Variants in KIAA0586 observed in about 807,000 individuals in gnomAD.
The protein encoded by KIAA0586 is KIAA0586.
KIAA0586 carries 144 observed loss-of-function variants against 169.8 expected under a neutral mutation model. That is an observed-to-expected ratio of 0.85 (90% CI 0.74 to 0.97). The LOEUF is 0.97. Ranked by LOEUF, KIAA0586 falls within the 50% of genes least tolerant of loss-of-function variation. The pLI is 0.00. For missense variants in KIAA0586, 1,854 were observed against 1,823.0 expected, an observed-to-expected ratio of 1.02 and a Z score of -0.31; for synonymous variants, 625 against 612.4, an observed-to-expected ratio of 1.02 and a Z score of -0.30.
intron 18 of KIAA0586, among the ~76,000 whole-genome samples, chr14:58,473,844 T>C (rs2041407895): frequency 6.6e-6 from 1 of 151,922 alleles, no homozygotes; most frequent in Non-Finnish European, 1.5e-5. Context: ...AGGTGGAGGT[T>C]GCAGTGAGCT....
chr14:58,506,230 A>G (rs188864258), intron 27 of KIAA0586, among the ~76,000 whole-genome samples: 11 of 151,728 alleles, frequency 7.2e-5, no homozygotes, highest in African/African-American at 2.4e-4. Context: ...ATCAGAATAT[A>G]AAGAGACAAA....
chr14:58,472,168 C>A (rs767195987), intron 17 of KIAA0586, 31 bp from the exon 18 acceptor site: 3 of 1,262,678 alleles, frequency 2.4e-6, no homozygotes, highest in South Asian at 1.4e-5. Context: ...GTGTTAAGCA[C>A]AACAAAAACT....
At position 58,430,628 on chromosome 14, in the gene KIAA0586, C is replaced by T; in HGVS notation, c.271-20C>T. The T allele has an allele frequency of 4.0e-6, 6 of 1,508,278 alleles. No homozygotes were observed. Among genetic ancestry groups the T allele is most frequent in the Non-Finnish European group, 4.6e-6 (5 of 1,095,370 alleles). The allele number at this position is 1,508,278 out of a possible 1,614,324, so 93.4% of individuals were successfully genotyped here. On this transcript the variant is annotated intron_variant, in intron 2 of 30. Coordinates refer to ENST00000652326, the MANE Select transcript of KIAA0586 (RefSeq NM_001329943.3). Reference sequence around the variant, plus strand: ...ATCATGAAGTTTATTTAGCCTATTTCTTCCTTTCATATCCCAAAGGATTTT... The same window carrying T: ...ATCATGAAGTTTATTTAGCCTATTTTTTCCTTTCATATCCCAAAGGATTTT...
At chr14:58,488,452 A>G (rs1360601736) in intron 23 of KIAA0586, among the ~76,000 whole-genome samples, 169 bp from the exon 24 acceptor site, 2 of 152,178 alleles carry the variant, frequency 1.3e-5, no homozygotes, top group Non-Finnish European at 2.9e-5. Context: ...AAGATGGCCT[A>G]TGATTAAAGC....
At chr14:58,544,664 GTTC>G (rs2046871697) in intron 30 of KIAA0586, among the ~76,000 whole-genome samples, 1 of 152,136 alleles carries the variant, frequency 6.6e-6, no homozygotes, top group South Asian at 2.1e-4. Context: ...TCATGTATGT[GTTC>G]TTTTGAAAAG....
At chr14:58,500,803 A>G (rs577418986) in intron 27 of KIAA0586, among the ~76,000 whole-genome samples, 45 of 152,258 alleles carry the variant, frequency 3.0e-4, no homozygotes, top group Non-Finnish European at 5.9e-4. Context: ...ACCAAAAAAA[A>G]GGGGATGAAA....
chr14:58,514,796 T>A (rs1343544163), intron 29 of KIAA0586, among the ~76,000 whole-genome samples: 1 of 152,090 alleles, frequency 6.6e-6, no homozygotes, highest in Non-Finnish European at 1.5e-5. Flanking sequence ...TTCTATGTAC[T>A]GATTAATGTA....
intron 30 of KIAA0586, 93 bp from the exon 31 acceptor site, chr14:58,547,688 C>T (rs2047064490): frequency 4.8e-6 from 5 of 1,036,874 alleles, no homozygotes; most frequent in African/African-American, 1.6e-5. Context: ...ATCCGCGCCC[C>T]CCCACCCCAA....
In KIAA0586 at chr14:58,458,405, G is replaced by C. The variant is rs987089484; in HGVS notation, c.1584-68G>C. The C allele has an allele frequency of 2.2e-5, 18 of 816,034 alleles. No homozygotes were observed. The South Asian group carries it at 2.5e-4, about 11-fold the overall frequency. 50.5% of individuals were successfully genotyped at this position (816,034 alleles called of 1,614,324 possible). A position where few individuals can be genotyped will look rare whatever the true frequency, so the allele number is the denominator to read the frequency against. ...CAGGTTCACAACTAGATAAGAGTTA[G>C]ATCTGATCCAAGTCCTGCTCAGGAC... On this transcript the variant is annotated intron_variant, in intron 11 of 30. Coordinates refer to ENST00000652326, the MANE Select transcript of KIAA0586 (RefSeq NM_001329943.3).
intron 4 of KIAA0586, among the ~76,000 whole-genome samples, chr14:58,433,712 A>C (rs903547818): frequency 6.6e-6 from 1 of 152,204 alleles, no homozygotes; most frequent in Non-Finnish European, 1.5e-5. Flanking sequence ...CAGGAAAATA[A>C]TTTCTTATAA....
chr14:58,500,445 G>A (rs968741587), intron 27 of KIAA0586, among the ~76,000 whole-genome samples: 6 of 152,210 alleles, frequency 3.9e-5, no homozygotes, highest in African/African-American at 1.4e-4. Context: ...AGTGGCTCAC[G>A]CCTGTAATCC....
At chr14:58,531,302 G>C (rs1231385034) in intron 29 of KIAA0586, among the ~76,000 whole-genome samples, 2 of 150,732 alleles carry the variant, frequency 1.3e-5, no homozygotes, top group Non-Finnish European at 3.0e-5. Flanking sequence ...ACTCCAGCCT[G>C]GGGGACAGAC....
chr14:58,488,031 A>T lies in KIAA0586; in HGVS notation c.3449A>T (p.Lys1150Met), dbSNP rs1472144631. Residue 1150 changes from lysine to methionine, a missense_variant, in exon 23 of 31, where the codon AAG becomes ATG. Transcript: ENST00000652326. ...AAGGTATCAAGCCCAGAGCTTCCCAAGCCATGGGGTGATGGAGACCTGCCA... is the reference window on the plus strand; with the variant it reads ...AAGGTATCAAGCCCAGAGCTTCCCATGCCATGGGGTGATGGAGACCTGCCA... The part of the protein sequence containing the change: ...KLKVSSPELP[K>M]PWGDGDLPLE... 6.2e-7 allele frequency: 1 copy of T among 1,610,910 alleles called. No homozygotes were observed. Among genetic ancestry groups the T allele is most frequent in the Non-Finnish European group, 8.5e-7 (1 of 1,178,608 alleles).
chr14:58,560,450 A>G, the KIAA0586 span, among the ~76,000 whole-genome samples: 1 of 152,282 alleles, frequency 6.6e-6, no homozygotes, highest in South Asian at 2.1e-4. Flanking sequence ...GCATTTTGAC[A>G]CTGATATATG....
At chr14:58,434,714 A>G (rs2037663936) in intron 4 of KIAA0586, among the ~76,000 whole-genome samples, 1 of 152,198 alleles carries the variant, frequency 6.6e-6, no homozygotes, top group African/African-American at 2.4e-5. Context: ...GCAAATTCTG[A>G]TGTAACACTT....
chr14:58,442,058 C>T (rs1470005698), intron 4 of KIAA0586: 1 of 152,028 alleles, frequency 6.6e-6, no homozygotes, highest in East Asian at 1.9e-4. Flanking sequence ...AGGAGTAAAG[C>T]TTGGTACTTT....
At chr14:58,462,644 T>C (rs2040422107) in intron 14 of KIAA0586, among the ~76,000 whole-genome samples, 1 of 152,216 alleles carries the variant, frequency 6.6e-6, no homozygotes, top group African/African-American at 2.4e-5. Context: ...AATCCAAAAA[T>C]AACTTTATTC....
Position 58,470,695 on chromosome 14 carries a change from CTCT to C in KIAA0586, c.2528_2530del (p.Leu843del), listed in dbSNP as rs1595246702. 6 of 1,598,564 alleles carry C rather than the reference CTCT, an allele frequency of 3.8e-6. No homozygotes were observed. Among genetic ancestry groups the C allele is most frequent in the African/African-American group, 1.3e-5 (1 of 74,758 alleles). Reference sequence around the variant, plus strand: ...CCTCTGTCTAGCCCCAAAGAAGCATCTCTTCCTCCTGTGCAAACTTGGATAAAG... The same window carrying C: ...CCTCTGTCTAGCCCCAAAGAAGCATCTCCTCCTGTGCAAACTTGGATAAAG... On this transcript the variant is annotated inframe_deletion, in exon 17 of 31. Coordinates refer to ENST00000652326, the MANE Select transcript of KIAA0586 (RefSeq NM_001329943.3).
intron 21 of KIAA0586, among the ~76,000 whole-genome samples, chr14:58,485,015 A>G (rs539511891): frequency 3.9e-4 from 52 of 132,496 alleles, no homozygotes; most frequent in Non-Finnish European, 6.1e-4. Context: ...GCTCACTGCA[A>G]CAGGTTCAAA....
Sources: allele counts gnomAD v4.1 joint callset (sites outside exome capture counted in the v4.1 genomes callset), GRCh38; gene constraint gnomAD v4.1.1; transcripts MANE v1.5; gene names NCBI Gene and HGNC (gene_info 2026-07-23, HGNC 2026-07-21).